The following PGM5 variants were observed in gnomAD, a reference collection of about 807,000 sequenced individuals.
PGM5 encodes the protein phosphoglucomutase-like protein 5.
In PGM5, 23 loss-of-function variants were observed where a neutral mutation model predicts 59.2. The ratio of observed to expected loss-of-function variants is 0.39; its 90% CI spans 0.28 to 0.55. PGM5 has a LOEUF of 0.55. PGM5 is among the 20% of genes least tolerant of loss of function. The pLI is 0.66. For missense variants in PGM5, 574 were observed against 748.3 expected (o/e 0.77, Z 2.72); for synonymous variants, 214 against 286.0 (o/e 0.75, Z 2.54).
chr9:68,480,241 G>A (rs1824175121), intron 8 of PGM5, among the ~76,000 whole-genome samples: 1 of 152,138 alleles, frequency 6.6e-6, no homozygotes, highest in Non-Finnish European at 1.5e-5. Context: ...AGTAAAAAAG[G>A]CAGACACAGA....
intron 10 of PGM5, among the ~76,000 whole-genome samples, chr9:68,508,519 T>C (rs1192399859): frequency 3.9e-5 from 6 of 152,230 alleles, no homozygotes; most frequent in Non-Finnish European, 8.8e-5. Flanking sequence ...CTTACCAAAA[T>C]ATCTTTTGTT....
At position 68,421,114 on chromosome 9, in the gene PGM5, G is replaced by A. The variant is rs957604606; in HGVS notation, c.1043+28641G>A. 4.6e-5 allele frequency among the ~76,000 whole-genome samples: 7 copies of A among 152,184 alleles called. 1 individual carries two copies. Among genetic ancestry groups the A allele is most frequent in the African/African-American group, 7.2e-5 (3 of 41,450 alleles). On this transcript the variant is annotated intron_variant, in intron 6 of 10. Coordinates refer to ENST00000396396, the MANE Select transcript of PGM5 (RefSeq NM_021965.4). ...TGTAGGTGCACATGTCCATGTCAGG[G>A]TACATAGTGTTACAAAGGGGAGACG...
At chr9:68,398,350 A>G (rs1326116510) in intron 6 of PGM5, 157 of 152,250 alleles carry the variant, frequency 1.0e-3, no homozygotes, top group African/African-American at 3.6e-3. Flanking sequence ...AGGTCTTACT[A>G]AAGAGAATTT....
chr9:68,517,576 A>T (rs1430300055), intron 10 of PGM5, among the ~76,000 whole-genome samples: 1 of 152,138 alleles, frequency 6.6e-6, no homozygotes, highest in Non-Finnish European at 1.5e-5. Flanking sequence ...CATGGTGGGC[A>T]CTCTGGTGAT....
At chr9:68,478,120 A>G (rs1554686819) in intron 7 of PGM5, among the ~76,000 whole-genome samples, 1 of 152,220 alleles carries the variant, frequency 6.6e-6, no homozygotes, top group Non-Finnish European at 1.5e-5. Context: ...ATTTCTTTAC[A>G]TACAGGGCTT....
At chr9:68,427,608 T>C (rs1276756552) in intron 6 of PGM5, among the ~76,000 whole-genome samples, 2 of 152,208 alleles carry the variant, frequency 1.3e-5, no homozygotes, top group Non-Finnish European at 2.9e-5. Context: ...TATAAATGAA[T>C]GTGTCTAAAC....
intron 1 of PGM5, among the ~76,000 whole-genome samples, chr9:68,372,740 C>G (rs1190673081): frequency 3.3e-5 from 5 of 152,182 alleles, no homozygotes; most frequent in Admixed American, 3.3e-4. Context: ...GCCAGCATCT[C>G]CTTGGCTTCT....
At chr9:68,370,884 A>G (rs1821683897) in intron 1 of PGM5, among the ~76,000 whole-genome samples, 1 of 152,230 alleles carries the variant, frequency 6.6e-6, no homozygotes, top group African/African-American at 2.4e-5. Context: ...GGTTTCCCCA[A>G]GCATTTAGAA....
chr9:68,403,937 T>C (rs1312519997), intron 6 of PGM5, among the ~76,000 whole-genome samples: 11 of 152,184 alleles, frequency 7.2e-5, no homozygotes, highest in Admixed American at 3.9e-4. Context: ...TGGCTTTAAC[T>C]TAAGACTTCC....
At chr9:68,406,678 GTATA>G (rs782034091) in intron 6 of PGM5, among the ~76,000 whole-genome samples, 45 of 23,604 alleles carry the variant, frequency 1.9e-3, no homozygotes, top group African/African-American at 7.0e-3. Flanking sequence ...ATATATATAT[GTATA>G]TATATATATA....
chr9:68,408,840 C>A (rs1421635467), intron 6 of PGM5, among the ~76,000 whole-genome samples: 3 of 152,138 alleles, frequency 2.0e-5, no homozygotes, highest in Non-Finnish European at 4.4e-5. Flanking sequence ...GAATCCTTTC[C>A]CCATCGCTTT....
At chr9:68,453,722 T>A (rs1486833575) in intron 6 of PGM5, among the ~76,000 whole-genome samples, 1 of 152,218 alleles carries the variant, frequency 6.6e-6, no homozygotes, top group East Asian at 1.9e-4. Context: ...TTTATATTAA[T>A]GTAGGAGGAG....
chr9:68,405,352 G>C (rs557499342), intron 6 of PGM5: 2 of 152,484 alleles, frequency 1.3e-5, no homozygotes, highest in East Asian at 3.9e-4. Flanking sequence ...TCCAGAAAGA[G>C]TAACTGCAGT....
intron 10 of PGM5, among the ~76,000 whole-genome samples, chr9:68,526,055 C>CA (rs1041124253): frequency 2.1e-3 from 270 of 125,596 alleles, no homozygotes; most frequent in East Asian, 0.015. Context: ...GACTCCTTCT[C>CA]AAAAAAAAAA....
At position 68,437,759 on chromosome 9, in the gene PGM5, T is replaced by C. The variant is rs1035582166; in HGVS notation, c.1044-27334T>C. Among the ~76,000 whole-genome samples, 25 of 152,174 alleles carry C rather than the reference T, an allele frequency of 1.6e-4. No individual in the cohort carries two copies. The highest frequency in any genetic ancestry group is 6.0e-4 in the African/African-American group (25 of 41,438). ...AACCTTTAAAAATGGGGATATTTCA[T>C]ATAAAAATCCAAGTTGTTGTGGTAT... is the stretch of plus-strand genomic sequence containing the variant. On this transcript the variant is annotated intron_variant, in intron 6 of 10. Transcript: ENST00000396396. The surrounding 1 kb of genome is among the most constrained non-coding windows in gnomAD (Gnocchi z 4.1).
intron 6 of PGM5, among the ~76,000 whole-genome samples, chr9:68,394,887 G>T (rs1422966879): frequency 1.3e-5 from 2 of 152,120 alleles, no homozygotes; most frequent in African/African-American, 4.8e-5. Context: ...CTCCCAAAGT[G>T]CTGGGATTAT....
At chr9:68,400,623 G>A (rs1822641788) in intron 6 of PGM5, 1 of 152,598 alleles carries the variant, frequency 6.6e-6, no homozygotes, top group Non-Finnish European at 1.5e-5. Context: ...TCTGTTGATT[G>A]CAAAGAAAAA....
At chr9:68,490,783 C>A (rs1215783859) in intron 9 of PGM5, among the ~76,000 whole-genome samples, 1 of 152,096 alleles carries the variant, frequency 6.6e-6, no homozygotes, top group Non-Finnish European at 1.5e-5. Flanking sequence ...GGAAGTAGAG[C>A]CTCAGAAATC....
chr9:68,367,631 A>G (rs1414928534), intron 1 of PGM5, among the ~76,000 whole-genome samples: 1 of 152,202 alleles, frequency 6.6e-6, no homozygotes, highest in Non-Finnish European at 1.5e-5. Flanking sequence ...TGTGGAATAT[A>G]ATACAGAAGA....
Sources: gnomAD v4.1 joint callset for allele counts (sites outside exome capture counted in the v4.1 genomes callset) on GRCh38, gnomAD v4.1.1 for gene constraint, Gnocchi (gnomAD v3.1) non-coding constraint, MANE v1.5 for transcripts, NCBI Gene and HGNC (gene_info 2026-07-23, HGNC 2026-07-21) for gene names.